Variants in NAE1 observed in about 807,000 individuals in gnomAD.
NAE1 encodes NEDD8-activating enzyme E1 regulatory subunit.
Under a neutral mutation model 88.0 loss-of-function variants are expected in NAE1, and 59 were observed. The observed-to-expected ratio is 0.67, with a 90% confidence interval of 0.54 to 0.83. The LOEUF is 0.83. Ranked by LOEUF, NAE1 falls within the 40% of genes least tolerant of loss-of-function variation. The pLI, the probability that NAE1 is intolerant of heterozygous loss-of-function variation, is 0.00. For synonymous variants in NAE1, 186 were observed against 208.9 expected (o/e 0.89, Z 0.95); for missense variants, 554 against 632.8 (o/e 0.88, Z 1.34).
chr16:66,828,990 G>GAA (rs66509263), intron 1 of NAE1, among the ~76,000 whole-genome samples: 3 of 124,762 alleles, frequency 2.4e-5, no homozygotes, highest in Non-Finnish European at 5.4e-5. Context: ...CCTTGTCCCT[G>GAA]AAAAAAAAAA....
Position 66,826,513 on chromosome 16 carries a change from T to A in NAE1, c.218+10A>T. 6.2e-7 allele frequency: 1 copy of A among 1,613,676 alleles called. No homozygotes were observed. On this transcript the variant is annotated intron_variant, in intron 3 of 19. Transcript: ENST00000290810. ...TTAACGTGAATATATTTGAAGAGAA[T>A]AGAACATACTTGTTTCCAGCATCTT...
intron 19 of NAE1, among the ~76,000 whole-genome samples, chr16:66,803,520 A>G (rs1326566589): frequency 6.6e-6 from 1 of 152,140 alleles, no homozygotes; most frequent in Non-Finnish European, 1.5e-5. Flanking sequence ...CAAAAAAACT[A>G]CTAAGAAAAA....
intron 11 of NAE1, among the ~76,000 whole-genome samples, chr16:66,816,191 A>G (rs1960038477): frequency 6.6e-6 from 1 of 151,678 alleles, no homozygotes; most frequent in Non-Finnish European, 1.5e-5. Flanking sequence ...TCTGAGGCGG[A>G]GTCTTACTCT....
rs778722431 is a variant in NAE1 at position 66,823,279 on chromosome 16, G to C, written c.349C>G (p.Pro117Ala). 2.5e-6 allele frequency: 4 copies of C among 1,602,764 alleles called. No homozygotes were observed. The East Asian group carries it at 9.0e-5, about 36-fold the overall frequency. ...ACAGTAAACCTACAGAAAAATGAGG[G>C]ATCATTGTCTAGAAGGTTTTCTGGA... ...ESPENLLDND[P>A]SFFCRFTVVV... Residue 117 changes from proline to alanine, a missense_variant, in exon 6 of 20, where the codon CCC (proline) becomes GCC (alanine). Transcript: ENST00000290810.
In NAE1 at chr16:66,813,608, A is replaced by C. The variant is rs772709746; in HGVS notation, c.990T>G (p.Pro330=). The C allele has an allele frequency of 6.8e-6, 11 of 1,613,986 alleles. No individual in the cohort carries two copies. The Admixed American group carries it at 1.7e-4, about 24-fold the overall frequency. The change falls in exon 13 of 20, where the codon CCT becomes CCG. Residue 330 remains proline (P), a synonymous_variant. Coordinates refer to ENST00000290810, the MANE Select transcript of NAE1 (RefSeq NM_003905.4). ...ATTTGCCTGAATCTGCAATCATATC[A>C]GGAATTGTGCCTCGAACAGGTAAAT... ...QGNLPVRGTI[P]DMIADSGKYI...
intron 1 of NAE1, 139 bp downstream of exon 1, chr16:66,830,708 C>A (rs765339135): frequency 1.2e-5 from 9 of 767,080 alleles, no homozygotes; most frequent in African/African-American, 1.1e-4. Flanking sequence ...CGAGCGCCGG[C>A]TTCCCGCGCC....
chr16:66,828,638 G>C (rs560039346), intron 1 of NAE1, among the ~76,000 whole-genome samples: 54 of 150,132 alleles, frequency 3.6e-4, no homozygotes, highest in African/African-American at 1.3e-3. Flanking sequence ...TCATACCTGC[G>C]AACAGCCACT....
At chr16:66,818,705 T>A (rs1026765314) in intron 7 of NAE1, 68 bp from the exon 8 acceptor site, 10 of 1,500,876 alleles carry the variant, frequency 6.7e-6, no homozygotes, top group East Asian at 4.9e-5. Flanking sequence ...GATGGGGTCT[T>A]GCTGTATTAC....
At chr16:66,812,825 C>CTTTTTTT (rs78456292) in intron 13 of NAE1, among the ~76,000 whole-genome samples, 1 of 119,854 alleles carries the variant, frequency 8.3e-6, no homozygotes, top group Non-Finnish European at 1.8e-5. Context: ...GGCCTAAGTT[C>CTTTTTTT]TTTTTTTTTT....
chr16:66,805,487 A>T lies in NAE1; in HGVS notation c.1495+290T>A, dbSNP rs1428022409. 2.5e-5 allele frequency: 8 copies of T among 318,650 alleles called. No individual in the cohort carries two copies. In the East Asian group the frequency reaches 3.8e-4, roughly 15 times the overall value. 19.7% of individuals were successfully genotyped at this position (318,650 alleles called of 1,614,324 possible). Reference sequence around the variant, plus strand: ...GACCCTGTCTCTACAAAAAATTGAAAAATTAGCCAGGCTTACTGGCACATG... The same window carrying T: ...GACCCTGTCTCTACAAAAAATTGAATAATTAGCCAGGCTTACTGGCACATG... On this transcript the variant is annotated intron_variant, in intron 19 of 19. Transcript: ENST00000290810.
intron 6 of NAE1, among the ~76,000 whole-genome samples, chr16:66,822,382 C>G (rs1960298618): frequency 6.6e-6 from 1 of 152,032 alleles, no homozygotes; most frequent in Admixed American, 6.6e-5. Flanking sequence ...ATCAGCCTGG[C>G]CAACATGGTG....
At chr16:66,823,741 T>C (rs1960357197) in intron 4 of NAE1, 141 bp from the exon 5 acceptor site, 1 of 684,548 alleles carries the variant, frequency 1.5e-6, no homozygotes, top group Admixed American at 3.3e-5. Context: ...CCCTTCTTTT[T>C]TCTTTTTAGA....
intron 19 of NAE1, among the ~76,000 whole-genome samples, chr16:66,805,171 G>A (rs1567485819): frequency 1.3e-5 from 2 of 152,120 alleles, no homozygotes; most frequent in South Asian, 4.1e-4. Flanking sequence ...GGGCATCCTG[G>A]GGGGAAAGCA....
At chr16:66,808,893 TATC>T (rs1468812713) in intron 16 of NAE1, 93 bp downstream of exon 16, 6 of 755,336 alleles carry the variant, frequency 7.9e-6, no homozygotes, top group Non-Finnish European at 1.2e-5. Flanking sequence ...TTATCTTTAA[TATC>T]ATCACCATAT....
At chr16:66,824,805 CAG>C (rs769214743) in intron 4 of NAE1, 48 bp downstream of exon 4, 11 of 1,505,478 alleles carry the variant, frequency 7.3e-6, no homozygotes, top group African/African-American at 1.4e-5. Flanking sequence ...AATCAAAACA[CAG>C]GGGCATCATT....
At chr16:66,812,048 G>A (rs953264406) in intron 13 of NAE1, among the ~76,000 whole-genome samples, 4 of 152,186 alleles carry the variant, frequency 2.6e-5, no homozygotes, top group Admixed American at 1.3e-4. Context: ...GTTCAGGCTA[G>A]TGATACCTGG....
chr16:66,812,581 G>C lies in NAE1; in HGVS notation c.1034+983C>G, dbSNP rs544644055. On this transcript the variant is annotated intron_variant, in intron 13 of 19. Transcript: ENST00000290810. ...TCTCCAGGCTGGAGTGCAGTGGCAC[G>C]ATCTTGGCTCACTGCAACCTCCGTC... Among the ~76,000 whole-genome samples the C allele has an allele frequency of 8.5e-5, 12 of 141,772 alleles. No individual in the cohort carries two copies. The South Asian group carries it at 2.7e-3, about 32-fold the overall frequency. The allele number at this position is 141,772 out of a possible 152,430, so 93.0% of individuals were successfully genotyped here.
chr16:66,813,518 T>A (rs937888683), intron 13 of NAE1, 46 bp downstream of exon 13: 5 of 1,554,140 alleles, frequency 3.2e-6, no homozygotes, highest in Non-Finnish European at 3.5e-6. Flanking sequence ...TTATCTCTAA[T>A]ATAATCAGAC....
At position 66,818,555 on chromosome 16, in the gene NAE1, G is replaced by A. The variant is rs1013930285; in HGVS notation, c.594C>T (p.Ser198=). ...PFPELREHFQ[S]YDLDHMEKKD... is the part of the protein sequence containing the mutation. ...TTTTTTCCATATGATCCAAATCATA[G>A]GACTGAAAATGTTCTCTCAGTTCAG... Residue 198 remains serine, a synonymous_variant, in exon 8 of 20, where the codon TCC becomes TCT. Coordinates refer to ENST00000290810, the MANE Select transcript of NAE1 (RefSeq NM_003905.4). The A allele has an allele frequency of 6.2e-7, 1 of 1,612,434 alleles. No homozygotes were observed. The highest frequency in any genetic ancestry group is 1.3e-5 in the African/African-American group (1 of 74,826).
Sources: allele counts gnomAD v4.1 joint callset (sites outside exome capture counted in the v4.1 genomes callset), GRCh38; gene constraint gnomAD v4.1.1; transcripts MANE v1.5; gene names NCBI Gene and HGNC (gene_info 2026-07-23, HGNC 2026-07-21).